DST: variants seen among roughly 807,000 people sequenced by gnomAD.
DST encodes the protein bullous pemphigoid antigen.
DST carries 253 observed loss-of-function variants against 875.2 expected under a neutral mutation model. That is an observed-to-expected ratio of 0.29 (90% CI 0.26 to 0.32). The LOEUF (loss-of-function observed/expected upper bound fraction) is 0.32. Ranked by LOEUF, DST falls within the 10% of genes least tolerant of loss-of-function variation. DST has a pLI of 1.00. For missense variants in DST, 8,287 were observed against 9,111.6 expected (o/e 0.91, Z 3.68); for synonymous variants, 3,124 against 3,197.1 (o/e 0.98, Z 0.77).
intron 2 of DST, among the ~76,000 whole-genome samples, chr6:56,935,148 G>A (rs1236020859): frequency 2.0e-5 from 3 of 152,170 alleles, no homozygotes; most frequent in Non-Finnish European, 2.9e-5. Context: ...TAGAGAAATT[G>A]TAATATAGCA....
chr6:56,546,368 A>T lies in DST; in HGVS notation c.16608+5816T>A, dbSNP rs1271849079. Among the ~76,000 whole-genome samples, 50 of 135,798 alleles carry T rather than the reference A, an allele frequency of 3.7e-4. 2 individuals are homozygous for T. The highest frequency in any genetic ancestry group is 6.7e-4 in the Admixed American group (9 of 13,440). 89.1% of individuals were successfully genotyped at this position (135,798 alleles called of 152,430 possible). On this transcript the variant is annotated intron_variant, in intron 61 of 103. Coordinates refer to ENST00000680361, the MANE Select transcript of DST (RefSeq NM_001374736.1). ...ATTTCATATATATATATATATATAT[A>T]TATATATATATATATATATATAAAT... is the stretch of plus-strand genomic sequence containing the variant.
chr6:56,802,701 C>G (rs1490965096), intron 4 of DST, among the ~76,000 whole-genome samples: 1 of 152,130 alleles, frequency 6.6e-6, no homozygotes, highest in East Asian at 1.9e-4. Context: ...ACACATTACA[C>G]CCATTGATAT....
intron 4 of DST, among the ~76,000 whole-genome samples, chr6:56,772,447 T>C (rs1430080093): frequency 6.6e-6 from 1 of 152,162 alleles, no homozygotes; most frequent in African/African-American, 2.4e-5. Context: ...AAGCTAACTC[T>C]CTTCGATCTG....
rs766898457 is a variant in DST, at chr6:56,619,879, C to G, written c.4929+4651G>C. ...GCTGGAGGGCATTAAGTTCATATGT[C>G]AGCTCTCTCATGTCTTGTTCAGCCT... is the stretch of plus-strand genomic sequence containing the variant. On this transcript the variant is annotated intron_variant, in intron 36 of 103. Transcript: ENST00000680361. 1.5e-5 allele frequency: 25 copies of G among 1,613,996 alleles called. No individual in the cohort carries two copies. Among genetic ancestry groups the G allele is most frequent in the Non-Finnish European group, 1.9e-5 (22 of 1,180,038 alleles).
Position 56,604,853 on chromosome 6 carries a change from C to A in DST, c.9775G>T (p.Glu3259Ter). The A allele has an allele frequency of 6.2e-7, 1 of 1,612,630 alleles. No homozygotes were observed. Among genetic ancestry groups the A allele is most frequent in the African/African-American group, 1.3e-5 (1 of 74,936 alleles). The change falls in exon 40 of 104, where the codon GAA becomes TAA. Residue 3259 changes from glutamate to a stop codon, truncating the protein, a stop_gained. Transcript: ENST00000680361. LOFTEE classifies it high-confidence loss of function. ...CTTTCTGGTGTGAACTGAGAAATTT[C>A]TGTTCCTCCTCCTGAGATGCTTTCT... is the stretch of plus-strand genomic sequence containing the variant. ...SKESISGGGT[E>*]ISQFTPESIE...
At chr6:56,584,068 C>A (rs891462013) in intron 49 of DST, among the ~76,000 whole-genome samples, 20 of 152,094 alleles carry the variant, frequency 1.3e-4, no homozygotes, top group Admixed American at 4.6e-4. Flanking sequence ...ATTGACTTGG[C>A]GATGCGGGCT....
intron 2 of DST, among the ~76,000 whole-genome samples, chr6:56,928,238 G>A (rs1414346199): frequency 6.6e-6 from 1 of 152,122 alleles, no homozygotes; most frequent in Admixed American, 6.5e-5. Flanking sequence ...GAGAGACAGG[G>A]AGTGCTTCTC....
chr6:56,697,438 A>G (rs762891010), intron 9 of DST, among the ~76,000 whole-genome samples: 1 of 152,200 alleles, frequency 6.6e-6, no homozygotes, highest in Non-Finnish European at 1.5e-5. Flanking sequence ...ACGATTTGAG[A>G]ATCAGGCAGC....
chr6:56,622,244 G>A (rs1342669651), intron 36 of DST, among the ~76,000 whole-genome samples: 1 of 151,996 alleles, frequency 6.6e-6, no homozygotes, highest in African/African-American at 2.4e-5. Context: ...ATCTGTTGTT[G>A]AACCCTCAAT....
intron 9 of DST, chr6:56,693,414 T>A (rs1191521064): frequency 9.2e-7 from 1 of 1,086,176 alleles, no homozygotes; most frequent in African/African-American, 1.7e-5. Flanking sequence ...ACATTACTGC[T>A]CACTGTCAAA....
chr6:56,822,612 A>T (rs2099774353), intron 4 of DST, among the ~76,000 whole-genome samples: 1 of 152,170 alleles, frequency 6.6e-6, no homozygotes, highest in African/African-American at 2.4e-5. Context: ...AGTAAAAAGT[A>T]AAAGTTCACA....
chr6:56,650,590 C>G (rs1442217600), intron 12 of DST, among the ~76,000 whole-genome samples: 1 of 151,960 alleles, frequency 6.6e-6, no homozygotes, highest in African/African-American at 2.4e-5. Context: ...TCTATACATA[C>G]AAAAGAATAG....
chr6:56,607,864 C>T lies in DST; in HGVS notation c.6764G>A (p.Ser2255Asn), dbSNP rs1306453056. 6.2e-7 allele frequency: 1 copy of T among 1,613,490 alleles called. No individual in the cohort carries two copies. The highest frequency in any genetic ancestry group is 8.5e-7 in the Non-Finnish European group (1 of 1,179,722). ...ATTATTAAGAAATACACCAGATGAG[C>T]TTAAGACATCGAGACATTCTTTTAT... ...TAIKECLDVL[S>N]SSGVFLNNAS... The change falls in exon 40 of 104, where the codon AGC becomes AAC. Residue 2255 changes from serine (S) to asparagine (N), a missense_variant. By Grantham distance (46) the Ser-to-Asn change is conservative (BLOSUM62 1). Around this residue, in one of 10 missense-constraint regions of DST, gnomAD observed 3,138 missense variants for 3,116.6 expected, o/e 1.01. Coordinates refer to ENST00000680361, the MANE Select transcript of DST (RefSeq NM_001374736.1).
chr6:56,506,285 G>C (rs1422725555), intron 77 of DST, among the ~76,000 whole-genome samples, 158 bp downstream of exon 77: 1 of 152,146 alleles, frequency 6.6e-6, no homozygotes, highest in Non-Finnish European at 1.5e-5. Context: ...TCTTCTAAAA[G>C]ACAAAACATG....
intron 4 of DST, among the ~76,000 whole-genome samples, chr6:56,739,382 T>C (rs1418254546): frequency 1.3e-5 from 2 of 152,046 alleles, no homozygotes; most frequent in Non-Finnish European, 2.9e-5. Context: ...ACAGAAACAA[T>C]TTACTAGTTC....
intron 36 of DST, among the ~76,000 whole-genome samples, chr6:56,623,407 T>C (rs1333102154): frequency 6.6e-6 from 1 of 152,184 alleles, no homozygotes; most frequent in African/African-American, 2.4e-5. Context: ...TGTTCTTTCA[T>C]AGATGAGAGA....
At chr6:56,879,052 GATTTC>G (rs1312082215) in intron 3 of DST, among the ~76,000 whole-genome samples, 2 of 152,112 alleles carry the variant, frequency 1.3e-5, no homozygotes, top group African/African-American at 2.4e-5. Flanking sequence ...GAACAAATTT[GATTTC>G]TCTTTGCACT....
chr6:56,735,377 T>C (rs1409331811), intron 4 of DST, 88 bp from the exon 5 acceptor site: 2 of 828,318 alleles, frequency 2.4e-6, no homozygotes, highest in African/African-American at 1.7e-5. Context: ...AAAAATGAGA[T>C]ATTTAAAAGA....
rs2152715011 is a variant in DST at position 56,609,105 on chromosome 6, A to C, written c.5523T>G (p.Ala1841=). 1 of 1,613,834 alleles carries C rather than the reference A, an allele frequency of 6.2e-7. No homozygotes were observed. The highest frequency in any genetic ancestry group is 8.5e-7 in the Non-Finnish European group (1 of 1,179,792). ...ILCQLKELSK[A]KEIISAASPT... ...GTGACGCAGCAGAAATAATCTCCTT[A>C]GCTTTACTTAGTTCTTTGAGTTGGC... The change falls in exon 40 of 104, where the codon GCT becomes GCG. Residue 1841 remains alanine, a synonymous_variant. Coordinates refer to ENST00000680361, the MANE Select transcript of DST (RefSeq NM_001374736.1).
Sources: gnomAD v4.1 joint callset for allele counts (sites outside exome capture counted in the v4.1 genomes callset) on GRCh38, gnomAD v4.1.1 for gene constraint, gnomAD v4.1.1 regional missense constraint, MANE v1.5 for transcripts, NCBI Gene and HGNC (gene_info 2026-07-23, HGNC 2026-07-21) for gene names.